The following SVEP1 variants were observed in gnomAD, a reference collection of about 807,000 sequenced individuals.
SVEP1 encodes the protein sushi, von Willebrand factor type A, EGF and pentraxin domain-containing protein 1.
Under a neutral mutation model 367.3 loss-of-function variants are expected in SVEP1, and 164 were observed. The ratio of observed to expected loss-of-function variants is 0.45; its 90% CI spans 0.39 to 0.51. The LOEUF is 0.51. Among genes scored for constraint, SVEP1 ranks in the 20% least tolerant of loss-of-function variants. SVEP1 has a pLI of 0.00. For missense variants in SVEP1, 4,117 were observed against 4,425.3 expected, an observed-to-expected ratio of 0.93 and a Z score of 1.98; for synonymous variants, 1,666 against 1,611.6, an observed-to-expected ratio of 1.03 and a Z score of -0.81.
At chr9:110,472,057 G>C (rs1222852681) in intron 15 of SVEP1, 102 bp downstream of exon 15, 5 of 1,199,992 alleles carry the variant, frequency 4.2e-6, no homozygotes, top group Non-Finnish European at 5.9e-6. Context: ...CAATTCCAGA[G>C]TCATTTCCTA....
intron 1 of SVEP1, among the ~76,000 whole-genome samples, chr9:110,552,630 G>A (rs922613957): frequency 6.6e-5 from 10 of 151,824 alleles, no homozygotes; most frequent in African/African-American, 1.5e-4. Context: ...TAGATCCCTC[G>A]CATACAGTTC....
At chr9:110,410,981 G>A in intron 37 of SVEP1, 82 bp downstream of exon 37, 1 of 1,288,778 alleles carries the variant, frequency 7.8e-7, no homozygotes, top group Non-Finnish European at 1.0e-6. Flanking sequence ...GCAGTGTTTG[G>A]ACTCAATTAT....
At chr9:110,471,815 C>G (rs982682017) in intron 15 of SVEP1, among the ~76,000 whole-genome samples, 1 of 152,140 alleles carries the variant, frequency 6.6e-6, no homozygotes, top group Non-Finnish European at 1.5e-5. Flanking sequence ...AGACTAAGAA[C>G]TATACAATTT....
intron 3 of SVEP1, among the ~76,000 whole-genome samples, chr9:110,544,791 T>A (rs2118840842): frequency 6.9e-6 from 1 of 145,330 alleles, no homozygotes; most frequent in Middle Eastern, 3.5e-3. Flanking sequence ...TCCTCTCTTC[T>A]AGCTATTTGA....
intron 1 of SVEP1, among the ~76,000 whole-genome samples, chr9:110,553,264 C>T (rs994305066): frequency 3.9e-5 from 6 of 152,138 alleles, no homozygotes; most frequent in African/African-American, 1.4e-4. Context: ...CTCAACGTGA[C>T]TTTGTTTTCA....
chr9:110,398,311 C>G (rs922503798), intron 40 of SVEP1, among the ~76,000 whole-genome samples: 1 of 152,160 alleles, frequency 6.6e-6, no homozygotes, highest in Non-Finnish European at 1.5e-5. Flanking sequence ...GAAACTGGAT[C>G]CCTTCCTTAC....
chr9:110,563,851 A>G (rs1830458295), intron 1 of SVEP1, among the ~76,000 whole-genome samples: 1 of 152,134 alleles, frequency 6.6e-6, no homozygotes, highest in African/African-American at 2.4e-5. Context: ...TGAGATTTCT[A>G]TGGTTCTCTG....
intron 19 of SVEP1, 52 bp downstream of exon 19, chr9:110,458,900 G>A: frequency 6.3e-7 from 1 of 1,574,906 alleles, no homozygotes; most frequent in South Asian, 1.2e-5. Context: ...ACAGAGACAG[G>A]GAAAAGTAAA....
chr9:110,464,906 ACC>A (rs1828911578), intron 18 of SVEP1, among the ~76,000 whole-genome samples: 1 of 151,064 alleles, frequency 6.6e-6, no homozygotes, highest in Non-Finnish European at 1.5e-5. Flanking sequence ...AAGTAGGCTG[ACC>A]TTGACTGTCA....
intron 16 of SVEP1, among the ~76,000 whole-genome samples, chr9:110,470,822 A>G (rs1437458184): frequency 6.6e-6 from 1 of 151,326 alleles, no homozygotes; most frequent in Non-Finnish European, 1.5e-5. Context: ...GTACCTGTGC[A>G]CAACGTGCAG....
intron 36 of SVEP1, among the ~76,000 whole-genome samples, chr9:110,414,432 G>A (rs1350810070): frequency 6.6e-6 from 1 of 151,948 alleles, no homozygotes; most frequent in Non-Finnish European, 1.5e-5. Context: ...CCCAATAGTT[G>A]AGTACAGCCC....
Position 110,514,276 on chromosome 9 carries a change from C to G in SVEP1, c.965-170G>C, listed in dbSNP as rs181295962. 1.0e-3 allele frequency: 797 copies of G among 800,584 alleles called. 3 individuals are homozygous for G. In the African/African-American group the frequency reaches 0.012, roughly 12 times the overall value. The allele number at this position is 800,584 out of a possible 1,614,324, so 49.6% of individuals were successfully genotyped here. A position where few individuals can be genotyped will look rare whatever the true frequency, so the allele number is the denominator to read the frequency against. Reference sequence around the variant, plus strand: ...CCTGTAATCCCTGTACTTTGGGAAGCAGAGGCGGGTGGATCACCTGAGGTC... The same window carrying G: ...CCTGTAATCCCTGTACTTTGGGAAGGAGAGGCGGGTGGATCACCTGAGGTC... On this transcript the variant is annotated intron_variant, in intron 3 of 47. Transcript: ENST00000374469.
intron 36 of SVEP1, among the ~76,000 whole-genome samples, chr9:110,425,006 T>C (rs1490222628): frequency 6.6e-6 from 1 of 152,012 alleles, no homozygotes; most frequent in Non-Finnish European, 1.5e-5. Flanking sequence ...TTCAAATGTT[T>C]TGTTAAAAAT....
chr9:110,505,986 A>T (rs1488445326), intron 5 of SVEP1, among the ~76,000 whole-genome samples: 1 of 152,070 alleles, frequency 6.6e-6, no homozygotes, highest in East Asian at 1.9e-4. Context: ...ACCCTCTGAC[A>T]GGCTCCAGTG....
chr9:110,487,969 G>A (rs1829308820), intron 9 of SVEP1, among the ~76,000 whole-genome samples: 1 of 152,068 alleles, frequency 6.6e-6, no homozygotes, highest in Admixed American at 6.6e-5. Context: ...TTTTATTTTG[G>A]TAATGAGCAG....
intron 27 of SVEP1, 83 bp from the exon 28 acceptor site, chr9:110,436,587 C>G: frequency 6.8e-6 from 10 of 1,467,512 alleles, no homozygotes; most frequent in Non-Finnish European, 9.1e-6. Flanking sequence ...AATGAAAGCA[C>G]GACTGATACA....
intron 22 of SVEP1, among the ~76,000 whole-genome samples, chr9:110,454,169 C>T (rs1431704981): frequency 6.6e-6 from 1 of 152,106 alleles, no homozygotes; most frequent in African/African-American, 2.4e-5. Context: ...TTTCTGTTTA[C>T]TCCATTGATG....
In SVEP1 at chr9:110,457,358, A is replaced by C; in HGVS notation, c.3577-6T>G. 2 of 1,602,346 alleles carry C rather than the reference A, an allele frequency of 1.2e-6. No homozygotes were observed. Among genetic ancestry groups the C allele is most frequent in the Non-Finnish European group, 8.5e-7 (1 of 1,174,068 alleles). On this transcript the variant is annotated splice_region_variant and splice_polypyrimidine_tract_variant and intron_variant, in intron 20 of 47. Coordinates refer to ENST00000374469, the MANE Select transcript of SVEP1 (RefSeq NM_153366.4). ...AAGAAGCATTCATGGAAAACCTACC[A>C]GTAGCATAAAAAAATCAATCAGAGA... is the stretch of plus-strand genomic sequence containing the variant.
chr9:110,512,171 G>A (rs921984948), intron 5 of SVEP1, among the ~76,000 whole-genome samples: 3 of 152,178 alleles, frequency 2.0e-5, no homozygotes, highest in Non-Finnish European at 2.9e-5. Context: ...AGCAGGTACT[G>A]TACTGAGAAG....
Sources: gnomAD v4.1 joint callset for allele counts (sites outside exome capture counted in the v4.1 genomes callset) on GRCh38, gnomAD v4.1.1 for gene constraint, MANE v1.5 for transcripts, NCBI Gene and HGNC (gene_info 2026-07-23, HGNC 2026-07-21) for gene names.